Variants in DOCK8 observed in about 807,000 individuals in gnomAD.
DOCK8 encodes the protein dedicator of cytokinesis protein 8.
Under a neutral mutation model 245.6 loss-of-function variants are expected in DOCK8, and 141 were observed. That is an observed-to-expected ratio of 0.57 (90% CI 0.50 to 0.66). The LOEUF is 0.66. DOCK8 is among the 30% of genes least tolerant of loss of function. DOCK8 has a pLI of 0.00. For missense variants in DOCK8, 2,965 were observed against 2,603.4 expected, an observed-to-expected ratio of 1.14 and a Z score of -3.02; for synonymous variants, 1,168 against 970.2, an observed-to-expected ratio of 1.20 and a Z score of -3.79.
intron 2 of DOCK8, among the ~76,000 whole-genome samples, chr9:275,051 T>C (rs2048289070): frequency 6.6e-6 from 1 of 152,240 alleles, no homozygotes; most frequent in African/African-American, 2.4e-5. Context: ...TGGGATGAGG[T>C]ACAGTTGTCA....
rs552255152 is a variant in DOCK8 at position 433,603 on chromosome 9, T to G, written c.4786-272T>G. ...ACAAATAACTGAAACTGGTTCAAAC[T>G]AATTTAAACAAAAATGTTGGAGATA... On this transcript the variant is annotated intron_variant, in intron 37 of 47. Transcript: ENST00000432829. Among the ~76,000 whole-genome samples, 17 of 152,308 alleles carry G rather than the reference T, an allele frequency of 1.1e-4. No homozygotes were observed. In the East Asian group the frequency reaches 3.3e-3, roughly 29 times the overall value.
intron 7 of DOCK8, among the ~76,000 whole-genome samples, chr9:322,945 T>G (rs543338770): frequency 1.3e-5 from 2 of 151,950 alleles, no homozygotes; most frequent in South Asian, 2.1e-4. Context: ...ATACAAAAAT[T>G]AGCTGGGTGT....
At chr9:372,714 A>G (rs565203389) in intron 18 of DOCK8, among the ~76,000 whole-genome samples, 15 of 152,218 alleles carry the variant, frequency 9.9e-5, no homozygotes, top group African/African-American at 2.9e-4. Flanking sequence ...ACCAATCCCA[A>G]TGCCAATAGC....
rs1033402262 is a variant in DOCK8 at position 399,363 on chromosome 9, G to A, written c.3234+104G>A. ...ACGCTGTCTTCTTCATTACTGAGTT[G>A]GCATGAATCCTACACATCCTGTGTT... On this transcript the variant is annotated intron_variant, in intron 26 of 47. Coordinates refer to ENST00000432829, the MANE Select transcript of DOCK8 (RefSeq NM_203447.4). 1.4e-5 allele frequency: 12 copies of A among 845,072 alleles called. No individual in the cohort carries two copies. The South Asian group carries it at 1.5e-4, about 11-fold the overall frequency. The allele number at this position is 845,072 out of a possible 1,614,324, so 52.3% of individuals were successfully genotyped here. A position where few individuals can be genotyped will look rare whatever the true frequency, so the allele number is the denominator to read the frequency against.
intron 1 of DOCK8, among the ~76,000 whole-genome samples, chr9:249,784 ATT>A (rs5895836): frequency 1.9e-4 from 27 of 141,884 alleles, no homozygotes; most frequent in African/African-American, 3.7e-4. Flanking sequence ...TGCCTGGCTA[ATT>A]TTTTTTTTTT....
intron 1 of DOCK8, among the ~76,000 whole-genome samples, chr9:229,962 G>C (rs1038732834): frequency 6.6e-6 from 1 of 151,160 alleles, no homozygotes; most frequent in African/African-American, 2.4e-5. Context: ...ATGCAGGTTT[G>C]TTACATATGT....
intron 26 of DOCK8, among the ~76,000 whole-genome samples, chr9:399,601 C>G (rs1215152908): frequency 3.9e-5 from 6 of 152,058 alleles, no homozygotes; most frequent in Non-Finnish European, 7.4e-5. Flanking sequence ...TCCTTGCGCT[C>G]CCAGTCTGAG....
intron 14 of DOCK8, among the ~76,000 whole-genome samples, chr9:346,063 A>G (rs1039416517): frequency 1.3e-5 from 2 of 152,012 alleles, no homozygotes; most frequent in Non-Finnish European, 2.9e-5. Flanking sequence ...GGTTAGAGGC[A>G]TGGAGCTAGA....
intron 1 of DOCK8, among the ~76,000 whole-genome samples, chr9:226,645 A>G (rs1174951024): frequency 1.3e-5 from 2 of 152,112 alleles, no homozygotes; most frequent in East Asian, 1.9e-4. Flanking sequence ...AGAAATCAAG[A>G]TGTCTCCAGG....
chr9:220,095 G>A (rs968186694), intron 1 of DOCK8, among the ~76,000 whole-genome samples: 1 of 152,220 alleles, frequency 6.6e-6, no homozygotes, highest in Non-Finnish European at 1.5e-5. Flanking sequence ...CTGGCAGAGT[G>A]AGGTAGTGTG....
intron 28 of DOCK8, among the ~76,000 whole-genome samples, chr9:408,326 T>C (rs980824050): frequency 6.6e-6 from 1 of 152,226 alleles, no homozygotes; most frequent in Non-Finnish European, 1.5e-5. Flanking sequence ...TGACTCTATG[T>C]CTGCGTCTCC....
chr9:332,502 A>G, intron 10 of DOCK8, 24 bp downstream of exon 10: 1 of 1,530,496 alleles, frequency 6.5e-7, no homozygotes, highest in South Asian at 1.1e-5. Context: ...AGTGTTGTTA[A>G]ATGGAGACAT....
chr9:279,745 A>C (rs1357765893), intron 2 of DOCK8, among the ~76,000 whole-genome samples: 3 of 152,214 alleles, frequency 2.0e-5, no homozygotes, highest in Non-Finnish European at 2.9e-5. Flanking sequence ...AGCCAAGTAA[A>C]TGTGAGGACC....
chr9:336,438 G>A (rs1273010723), intron 11 of DOCK8, 144 bp from the exon 12 acceptor site: 2 of 1,150,312 alleles, frequency 1.7e-6, no homozygotes, highest in Non-Finnish European at 2.5e-6. Context: ...AGGGGCCAAT[G>A]GAAGGACATT....
intron 36 of DOCK8, among the ~76,000 whole-genome samples, chr9:430,220 C>G (rs1447746251): frequency 6.6e-6 from 1 of 151,054 alleles, no homozygotes; most frequent in African/African-American, 2.4e-5. Flanking sequence ...ACTATAAATA[C>G]AAAAATAGCC....
intron 1 of DOCK8, among the ~76,000 whole-genome samples, chr9:248,730 A>G (rs923754030): frequency 7.9e-5 from 12 of 152,138 alleles, no homozygotes; most frequent in Admixed American, 6.5e-4. Context: ...CTATTCACCA[A>G]CATGAATTGG....
rs2131284290 is a variant in DOCK8 at position 379,944 on chromosome 9, G to A, written c.2605+9G>A. On this transcript the variant is annotated intron_variant, in intron 21 of 47. Coordinates refer to ENST00000432829, the MANE Select transcript of DOCK8 (RefSeq NM_203447.4). The stretch of plus-strand genomic sequence containing the variant: ...GGATGTGCCCAAGTCAGGTAGAGTT[G>A]CCCTGAGTGTGGGACTCTGGTGGGC... 1 of 1,613,234 alleles carries A rather than the reference G, an allele frequency of 6.2e-7. No homozygotes were observed. Among genetic ancestry groups the A allele is most frequent in the Non-Finnish European group, 8.5e-7 (1 of 1,179,812 alleles).
Position 295,202 on chromosome 9 carries a change from G to GC in DOCK8, c.404+5622dup, listed in dbSNP as rs1400841097. ...AAGAACCCAGACAAAAAAGATAACT[G>GC]CATGATTCCATGTATCTGACATTCT... On this transcript the variant is annotated intron_variant, in intron 4 of 47. Coordinates refer to ENST00000432829, the MANE Select transcript of DOCK8 (RefSeq NM_203447.4). 7.2e-5 allele frequency among the ~76,000 whole-genome samples: 11 copies of GC among 151,976 alleles called. 1 individual carries two copies. The highest frequency in any genetic ancestry group is 3.4e-3 in the Middle Eastern group (1 of 294).
chr9:309,548 A>G (rs554859367), intron 5 of DOCK8, among the ~76,000 whole-genome samples: 2 of 152,210 alleles, frequency 1.3e-5, no homozygotes, highest in Non-Finnish European at 1.5e-5. Flanking sequence ...GGTTCAAAGC[A>G]TGCAGTTCCC....
Sources: gnomAD v4.1 joint callset for allele counts (sites outside exome capture counted in the v4.1 genomes callset) on GRCh38, gnomAD v4.1.1 for gene constraint, MANE v1.5 for transcripts, NCBI Gene and HGNC (gene_info 2026-07-23, HGNC 2026-07-21) for gene names.